Variants in BPTF observed in about 807,000 individuals in gnomAD.
BPTF encodes nucleosome-remodeling factor subunit BPTF.
A neutral mutation model predicts 292.5 loss-of-function variants in BPTF; 18 were observed. That is an observed-to-expected ratio of 0.06 (90% CI 0.04 to 0.09). BPTF has a LOEUF of 0.09. BPTF is among the 10% of genes least tolerant of loss of function. The pLI is 1.00. For synonymous variants in BPTF, 1,225 were observed against 1,251.9 expected (o/e 0.98, Z 0.45); for missense variants, 2,726 against 3,498.7 (o/e 0.78, Z 5.57).
At chr17:67,892,281 A>G (rs377147209) in intron 5 of BPTF, among the ~76,000 whole-genome samples, 1 of 152,388 alleles carries the variant, frequency 6.6e-6, no homozygotes, top group South Asian at 2.1e-4. Flanking sequence ...TTCTTACTAC[A>G]TGAACAGTTT....
intron 1 of BPTF, 64 bp downstream of exon 1, chr17:67,826,401 A>G: frequency 6.9e-7 from 1 of 1,439,750 alleles, no homozygotes. Flanking sequence ...CCCCTTGCTC[A>G]CTCGTGTGCT....
At chr17:67,858,512 G>A (rs1403900574) in intron 2 of BPTF, among the ~76,000 whole-genome samples, 1 of 143,758 alleles carries the variant, frequency 7.0e-6, no homozygotes, top group Non-Finnish European at 1.5e-5. Flanking sequence ...CCGAGATGGC[G>A]CCACTGTACT....
intron 7 of BPTF, among the ~76,000 whole-genome samples, chr17:67,898,819 A>G (rs2061625059): frequency 6.6e-6 from 1 of 151,642 alleles, no homozygotes; most frequent in African/African-American, 2.4e-5. Context: ...CACTTTGGGC[A>G]ACCACGTCAG....
intron 19 of BPTF, 85 bp downstream of exon 19, chr17:67,940,741 AC>A: frequency 7.1e-6 from 10 of 1,400,236 alleles, no homozygotes; most frequent in Non-Finnish European, 9.8e-6. Flanking sequence ...TTATTTTGAT[AC>A]GTTTTTAAAT....
chr17:67,929,078 A>G (rs1429550014), intron 16 of BPTF: 11 of 1,290,932 alleles, frequency 8.5e-6, no homozygotes, highest in South Asian at 6.2e-5. Flanking sequence ...ACTTCCTGCA[A>G]ACAGCAAGAT....
At position 67,864,458 on chromosome 17, in the gene BPTF, G is replaced by A. The variant is rs530426004; in HGVS notation, c.1437-2006G>A. Among the ~76,000 whole-genome samples the A allele has an allele frequency of 1.0e-4, 15 of 149,448 alleles. No individual in the cohort carries two copies. The Admixed American group carries it at 1.0e-3, about 10-fold the overall frequency. ...CATGAGAAGTGCTTGAACCCAGGAG[G>A]CAGAGGTTGCAGTGAGCCAAGATTG... On this transcript the variant is annotated intron_variant, in intron 2 of 27. Transcript: ENST00000306378.
At chr17:67,838,319 T>G (rs1454877719) in intron 1 of BPTF, among the ~76,000 whole-genome samples, 1 of 152,214 alleles carries the variant, frequency 6.6e-6, no homozygotes, top group Non-Finnish European at 1.5e-5. Context: ...AGGCTTTGAG[T>G]TTTACAAATA....
intron 15 of BPTF, among the ~76,000 whole-genome samples, chr17:67,926,770 C>T (rs901022007): frequency 6.6e-6 from 1 of 151,822 alleles, no homozygotes; most frequent in African/African-American, 2.4e-5. Flanking sequence ...TAGGGGCTTG[C>T]TCTGTTGCTG....
intron 19 of BPTF, among the ~76,000 whole-genome samples, chr17:67,943,458 C>G (rs1300761604): frequency 1.3e-5 from 2 of 152,082 alleles, no homozygotes; most frequent in Non-Finnish European, 2.9e-5. Context: ...AGAGAGAGCG[C>G]CTAGAGAATT....
At chr17:67,834,141 C>T (rs1373280205) in intron 1 of BPTF, among the ~76,000 whole-genome samples, 1 of 152,182 alleles carries the variant, frequency 6.6e-6, no homozygotes, top group African/African-American at 2.4e-5. Context: ...CCAGGTGGGG[C>T]TAAGTTCCTG....
chr17:67,892,776 G>T (rs2061205938), intron 5 of BPTF, among the ~76,000 whole-genome samples: 1 of 152,134 alleles, frequency 6.6e-6, no homozygotes, highest in Admixed American at 6.6e-5. Context: ...TTTACTTTAT[G>T]ATGTGGGAAG....
In BPTF at chr17:67,975,957, A is replaced by C. The variant is rs2069352886; in HGVS notation, c.8725A>C (p.Arg2909=). Residue 2909 remains arginine, a splice_region_variant and synonymous_variant, in exon 27 of 28, where the codon AGG becomes CGG. Transcript: ENST00000306378. ...GAAATTGAAAGGCTTCAAAGCTAGC[A>C]GGTGAGCAGATGGGTTCGGTATTCT... ...VQKLKGFKAS[R]SHNNKLQSTA... 6.2e-7 allele frequency: 1 copy of C among 1,609,890 alleles called. No individual in the cohort carries two copies. The highest frequency in any genetic ancestry group is 1.1e-5 in the South Asian group (1 of 90,162).
chr17:67,911,636 G>A lies in BPTF; in HGVS notation c.3752G>A (p.Ser1251Asn), dbSNP rs1037549714. ...ESDTIVSSSK[S>N]ALHSSVPKST... is the part of the protein sequence containing the mutation. ...GACACCATTGTTTCTTCTTCCAAGA[G>A]TGCTTTACATTCATCAGTGCCTAAA... Residue 1251 changes from serine (S) to asparagine (N), a missense_variant, in exon 11 of 28, where the codon AGT (serine) becomes AAT (asparagine). Physicochemically the swap from Ser to Asn is conservative, Grantham distance 46 (BLOSUM62 1). Transcript: ENST00000306378. The A allele has an allele frequency of 6.2e-6, 10 of 1,614,144 alleles. No homozygotes were observed. Among genetic ancestry groups the A allele is most frequent in the East Asian group, 2.2e-5 (1 of 44,884 alleles).
At chr17:67,976,061 T>A in intron 27 of BPTF, 103 bp downstream of exon 27, 1 of 740,934 alleles carries the variant, frequency 1.3e-6, no homozygotes, top group Non-Finnish European at 1.9e-6. Flanking sequence ...AAATTTAACC[T>A]TAAATATCTT....
intron 7 of BPTF, among the ~76,000 whole-genome samples, chr17:67,901,882 T>C (rs913549017): frequency 5.7e-4 from 87 of 152,348 alleles, no homozygotes; most frequent in African/African-American, 2.0e-3. Context: ...CTGGAGGATA[T>C]AGGGGGGTAC....
chr17:67,950,212 AATC>A (rs1252586117), intron 23 of BPTF, among the ~76,000 whole-genome samples: 1 of 151,916 alleles, frequency 6.6e-6, no homozygotes, highest in Non-Finnish European at 1.5e-5. Context: ...AGTGATGCGA[AATC>A]ATGCCATTGC....
chr17:67,971,810 A>G (rs141731229), intron 26 of BPTF, among the ~76,000 whole-genome samples: 10 of 147,556 alleles, frequency 6.8e-5, no homozygotes, highest in African/African-American at 2.0e-4. Context: ...CCTGGGCAAT[A>G]GAGTGAGACT....
Position 67,834,180 on chromosome 17 carries a change from C to A in BPTF, c.613+7843C>A, listed in dbSNP as rs2056948108. Among the ~76,000 whole-genome samples, 4 of 152,142 alleles carry A rather than the reference C, an allele frequency of 2.6e-5. No individual in the cohort carries two copies. In the South Asian group the frequency reaches 8.3e-4, roughly 32 times the overall value. ...TTCCCACCCGTATAACCTCCAGGAC[C>A]ATGTGCATTAAGTGTTTTAGTTTCC... On this transcript the variant is annotated intron_variant, in intron 1 of 27. Transcript: ENST00000306378.
intron 23 of BPTF, among the ~76,000 whole-genome samples, chr17:67,949,045 A>C (rs782759745): frequency 7.9e-5 from 12 of 152,214 alleles, no homozygotes; most frequent in Non-Finnish European, 1.6e-4. Context: ...AGGTATTGCT[A>C]ACCTGCTTTC....
Sources: allele counts gnomAD v4.1 joint callset (sites outside exome capture counted in the v4.1 genomes callset), GRCh38; gene constraint gnomAD v4.1.1; transcripts MANE v1.5; gene names NCBI Gene and HGNC (gene_info 2026-07-23, HGNC 2026-07-21).